Variants in ZCCHC7 observed in about 807,000 individuals in gnomAD.
The protein encoded by ZCCHC7 is zinc finger CCHC domain-containing protein 7.
ZCCHC7 carries 35 observed loss-of-function variants against 52.0 expected under a neutral mutation model. That is an observed-to-expected ratio of 0.67 (90% CI 0.51 to 0.89). The LOEUF (loss-of-function observed/expected upper bound fraction) is 0.89, where lower values mean the gene tolerates loss of function less well. Among genes scored for constraint, ZCCHC7 ranks in the 40% least tolerant of loss-of-function variants. The pLI, the probability that ZCCHC7 is intolerant of heterozygous loss-of-function variation, is 0.00. For missense variants in ZCCHC7, 574 were observed against 649.1 expected (o/e 0.88, Z 1.26); for synonymous variants, 217 against 221.5 (o/e 0.98, Z 0.18).
At chr9:37,120,717 C>T (rs1207887063) in intron 1 of ZCCHC7, 94 bp downstream of exon 1, 1 of 365,612 alleles carries the variant, frequency 2.7e-6, no homozygotes, top group African/African-American at 2.1e-5. Flanking sequence ...TAGCGCGTGC[C>T]CCCTCGCCGG....
intron 2 of ZCCHC7, among the ~76,000 whole-genome samples, chr9:37,136,719 G>A (rs1383846258): frequency 2.6e-5 from 4 of 152,146 alleles, no homozygotes; most frequent in African/African-American, 9.7e-5. Flanking sequence ...CAAGCGAGCT[G>A]CCCACCTCAG....
intron 5 of ZCCHC7, among the ~76,000 whole-genome samples, chr9:37,321,512 T>A (rs186994739): frequency 3.4e-4 from 52 of 152,276 alleles, no homozygotes; most frequent in East Asian, 3.1e-3. Context: ...TTCCTATAAT[T>A]TCAGCCTTTG....
chr9:37,320,601 C>T (rs901734764), intron 5 of ZCCHC7, among the ~76,000 whole-genome samples: 16 of 152,180 alleles, frequency 1.1e-4, no homozygotes, highest in African/African-American at 3.6e-4. Context: ...ACTCCTTTAG[C>T]CTCCATTATC....
intron 2 of ZCCHC7, chr9:37,186,746 A>T: frequency 1.7e-6 from 1 of 574,700 alleles, no homozygotes. Context: ...TAACAAGATG[A>T]ATTAAAGATG....
chr9:37,287,893 A>G (rs1243510569), intron 2 of ZCCHC7, among the ~76,000 whole-genome samples: 3 of 151,982 alleles, frequency 2.0e-5, no homozygotes, highest in African/African-American at 4.8e-5. Context: ...GACATATTAT[A>G]TGTATTAGAA....
chr9:37,312,717 G>A (rs1034216180), intron 5 of ZCCHC7, among the ~76,000 whole-genome samples: 4 of 152,202 alleles, frequency 2.6e-5, no homozygotes, highest in African/African-American at 9.7e-5. Context: ...GAGGCCAGGA[G>A]TTAGAGACCA....
At chr9:37,193,792 T>C (rs1823141549) in intron 2 of ZCCHC7, among the ~76,000 whole-genome samples, 1 of 152,158 alleles carries the variant, frequency 6.6e-6, no homozygotes, top group African/African-American at 2.4e-5. Context: ...TGGGCACATA[T>C]CTACCAAGGA....
At chr9:37,205,073 G>T (rs1228541037) in intron 2 of ZCCHC7, 1 of 164,480 alleles carries the variant, frequency 6.1e-6, no homozygotes, top group Admixed American at 6.2e-5. Flanking sequence ...TATTGTGGGA[G>T]CGGGTTCATG....
At chr9:37,338,179 T>G (rs144249004) in intron 6 of ZCCHC7, among the ~76,000 whole-genome samples, 1 of 152,268 alleles carries the variant, frequency 6.6e-6, no homozygotes, top group African/African-American at 2.4e-5. Flanking sequence ...GTTGTTTTGA[T>G]AGGGGGAGTG....
chr9:37,121,341 C>T (rs1313277835), intron 1 of ZCCHC7, among the ~76,000 whole-genome samples: 1 of 152,152 alleles, frequency 6.6e-6, no homozygotes, highest in Non-Finnish European at 1.5e-5. Flanking sequence ...AGTTGAATTA[C>T]GGGCTGCATT....
At chr9:37,178,856 T>C (rs1259622104) in intron 2 of ZCCHC7, among the ~76,000 whole-genome samples, 2 of 152,238 alleles carry the variant, frequency 1.3e-5, no homozygotes, top group Non-Finnish European at 2.9e-5. Context: ...AAGCTTTTTA[T>C]AAATAAGGTA....
chr9:37,130,154 G>A (rs1367090013), intron 2 of ZCCHC7, among the ~76,000 whole-genome samples: 1 of 150,802 alleles, frequency 6.6e-6, no homozygotes, highest in Non-Finnish European at 1.5e-5. Flanking sequence ...CAGGAGAATT[G>A]CTTGACCCAG....
intron 2 of ZCCHC7, among the ~76,000 whole-genome samples, chr9:37,247,321 A>T (rs900756756): frequency 6.6e-6 from 1 of 152,184 alleles, no homozygotes; most frequent in African/African-American, 2.4e-5. Flanking sequence ...CTTGTTGCTC[A>T]CTGTTGAGTG....
At chr9:37,154,663 G>GT (rs1230768438) in intron 2 of ZCCHC7, among the ~76,000 whole-genome samples, 18 of 129,930 alleles carry the variant, frequency 1.4e-4, no homozygotes, top group South Asian at 5.0e-4. Context: ...TCTGTTTTTT[G>GT]TTTTTTTTTT....
chr9:37,333,578 A>G (rs750809590), intron 6 of ZCCHC7, among the ~76,000 whole-genome samples: 6 of 151,744 alleles, frequency 4.0e-5, no homozygotes, highest in Non-Finnish European at 7.4e-5. Context: ...ATCTGTTAAC[A>G]AATGTTTATC....
chr9:37,155,145 G>A (rs1455832867), intron 2 of ZCCHC7, among the ~76,000 whole-genome samples: 3 of 152,140 alleles, frequency 2.0e-5, no homozygotes, highest in Non-Finnish European at 4.4e-5. Context: ...CGGATCATGA[G>A]GTCAGGAGAT....
chr9:37,233,940 A>G (rs879416759), intron 2 of ZCCHC7, among the ~76,000 whole-genome samples: 11 of 152,128 alleles, frequency 7.2e-5, no homozygotes, highest in Non-Finnish European at 1.5e-4. Context: ...TGCAACTTAC[A>G]CCTCATGGGA....
At chr9:37,302,332 A>C in intron 3 of ZCCHC7, 101 bp downstream of exon 3, 1 of 989,966 alleles carries the variant, frequency 1.0e-6, no homozygotes, top group Admixed American at 2.3e-5. Flanking sequence ...GTGGCTTATA[A>C]GAAAACATTT....
chr9:37,311,313 T>A (rs758149597), intron 5 of ZCCHC7, among the ~76,000 whole-genome samples: 5 of 152,234 alleles, frequency 3.3e-5, no homozygotes, highest in Non-Finnish European at 5.9e-5. Flanking sequence ...CCCTGCTCAG[T>A]GTGTTATCCC....
Sources: allele counts gnomAD v4.1 joint callset (sites outside exome capture counted in the v4.1 genomes callset), GRCh38; gene constraint gnomAD v4.1.1; transcripts MANE v1.5; gene names NCBI Gene and HGNC (gene_info 2026-07-23, HGNC 2026-07-21).